The following TLL1 variants were observed in gnomAD, a reference collection of about 807,000 sequenced individuals.
TLL1 encodes the protein tolloid like 1, also known as tolloid-like protein 1.
TLL1 carries 49 observed loss-of-function variants against 128.2 expected under a neutral mutation model. That is an observed-to-expected ratio of 0.38 (90% confidence interval 0.30 to 0.48). TLL1 has a LOEUF of 0.48. Ranked by LOEUF, TLL1 falls within the 20% of genes least tolerant of loss-of-function variation. The probability of loss-of-function intolerance (pLI) is 0.96; values close to 1 mark genes in which losing one functional copy is unlikely to be tolerated. For missense variants in TLL1, 1,123 were observed against 1,242.0 expected, an observed-to-expected ratio of 0.90 and a Z score of 1.44; for synonymous variants, 454 against 418.8, an observed-to-expected ratio of 1.08 and a Z score of -1.03.
At chr4:165,904,149 C>G (rs560932881) in intron 1 of TLL1, among the ~76,000 whole-genome samples, 1 of 152,104 alleles carries the variant, frequency 6.6e-6, no homozygotes, top group East Asian at 1.9e-4. Context: ...GCTCTGGAGT[C>G]TAGAACAGTT....
At position 166,084,211 on chromosome 4, in the gene TLL1, C is replaced by T. The variant is rs1741404453; in HGVS notation, c.2442+6181C>T. Among the ~76,000 whole-genome samples, 3 of 152,090 alleles carry T rather than the reference C, an allele frequency of 2.0e-5. No individual in the cohort carries two copies. In the South Asian group the frequency reaches 6.2e-4, roughly 32 times the overall value. ...CTTTTGAGAAATGTCTATTCAAGTC[C>T]TTTGCCCATAAATAAGTTTATTCGT... On this transcript the variant is annotated intron_variant, in intron 18 of 20. Coordinates refer to ENST00000061240, the MANE Select transcript of TLL1 (RefSeq NM_012464.5).
chr4:166,022,654 T>C (rs993963945), intron 8 of TLL1, among the ~76,000 whole-genome samples: 19 of 152,212 alleles, frequency 1.2e-4, no homozygotes, highest in African/African-American at 4.3e-4. Context: ...TATTTGCAGA[T>C]GGATGTGGAG....
chr4:166,100,893 A>G lies in TLL1; in HGVS notation c.*17A>G. ...AAAAAATAACACCAAAACCTCTGTC[A>G]GAACACAAAGGAATGTGCATAATGG... On this transcript the variant is annotated 3_prime_UTR_variant, in exon 21 of 21. Transcript: ENST00000061240. 2 of 1,611,890 alleles carry G rather than the reference A, an allele frequency of 1.2e-6. No homozygotes were observed. Among genetic ancestry groups the G allele is most frequent in the East Asian group, 2.2e-5 (1 of 44,536 alleles).
At chr4:165,905,175 C>A (rs1293934641) in intron 1 of TLL1, among the ~76,000 whole-genome samples, 1 of 152,146 alleles carries the variant, frequency 6.6e-6, no homozygotes, top group Non-Finnish European at 1.5e-5. Flanking sequence ...TAAACTTATA[C>A]CTGCTATGCG....
At chr4:166,066,783 C>T (rs547520597) in intron 16 of TLL1, among the ~76,000 whole-genome samples, 4 of 151,812 alleles carry the variant, frequency 2.6e-5, no homozygotes, top group South Asian at 2.1e-4. Flanking sequence ...CAATGGACCT[C>T]GGCTCCCGTG....
chr4:166,085,396 A>G (rs937420113), intron 18 of TLL1, among the ~76,000 whole-genome samples: 1 of 151,760 alleles, frequency 6.6e-6, no homozygotes, highest in Non-Finnish European at 1.5e-5. Flanking sequence ...TCGGTTGACT[A>G]TAATGTTAGC....
chr4:166,039,659 G>A (rs1306313811), intron 10 of TLL1, among the ~76,000 whole-genome samples: 1 of 151,858 alleles, frequency 6.6e-6, no homozygotes, highest in Non-Finnish European at 1.5e-5. Flanking sequence ...TAACTTATGA[G>A]GTACATACTA....
intron 4 of TLL1, 29 bp from the exon 5 acceptor site, chr4:165,995,032 T>G: frequency 6.3e-7 from 1 of 1,589,784 alleles, no homozygotes; most frequent in Non-Finnish European, 8.6e-7. Context: ...GGATGCCACC[T>G]TTTCATTAAC....
rs1738472896 is a variant in TLL1, at chr4:166,025,932, G to A, written c.1158+501G>A. Among the ~76,000 whole-genome samples the A allele has an allele frequency of 3.9e-5, 6 of 152,138 alleles. No individual in the cohort carries two copies. In the South Asian group the frequency reaches 6.2e-4, roughly 16 times the overall value. On this transcript the variant is annotated intron_variant, in intron 9 of 20. Transcript: ENST00000061240. Reference sequence around the variant, plus strand: ...TATGAAATTCAGACCTCAAACTAATGAGCCTAGACGACCATATGAAGAGGT... The same window carrying A: ...TATGAAATTCAGACCTCAAACTAATAAGCCTAGACGACCATATGAAGAGGT...
intron 18 of TLL1, among the ~76,000 whole-genome samples, chr4:166,085,770 TG>T (rs1741482190): frequency 6.6e-6 from 1 of 152,144 alleles, no homozygotes; most frequent in Non-Finnish European, 1.5e-5. Flanking sequence ...TGTCTGGTTT[TG>T]GTATAAGGAT....
intron 1 of TLL1, among the ~76,000 whole-genome samples, chr4:165,896,252 G>A (rs190794257): frequency 7.9e-5 from 12 of 152,196 alleles, no homozygotes; most frequent in Non-Finnish European, 1.2e-4. Context: ...TCCCTGCAAA[G>A]CACATGAACT....
intron 18 of TLL1, among the ~76,000 whole-genome samples, chr4:166,081,074 A>C (rs1741264284): frequency 6.6e-6 from 1 of 152,136 alleles, no homozygotes; most frequent in African/African-American, 2.4e-5. Flanking sequence ...TCTTCATGGC[A>C]GTGAAACTCT....
intron 8 of TLL1, among the ~76,000 whole-genome samples, chr4:166,022,151 C>T (rs1738270702): frequency 6.6e-6 from 1 of 151,532 alleles, no homozygotes; most frequent in Admixed American, 6.6e-5. Flanking sequence ...TCTTTCTTTG[C>T]CCTAAAGATT....
intron 9 of TLL1, among the ~76,000 whole-genome samples, chr4:166,034,547 A>G (rs996698484): frequency 2.0e-5 from 3 of 152,204 alleles, no homozygotes; most frequent in African/African-American, 7.2e-5. Flanking sequence ...CATAAAGTGT[A>G]GGATGAAATG....
intron 19 of TLL1, among the ~76,000 whole-genome samples, chr4:166,098,906 TATTG>T (rs1742151109): frequency 6.6e-6 from 1 of 152,142 alleles, no homozygotes; most frequent in Non-Finnish European, 1.5e-5. Flanking sequence ...TTTTAAAAAT[TATTG>T]AGTTACTAAG....
chr4:165,989,924 A>AT (rs1405948312), intron 2 of TLL1, among the ~76,000 whole-genome samples: 1 of 151,888 alleles, frequency 6.6e-6, no homozygotes, highest in East Asian at 1.9e-4. Context: ...TGAGTATTAT[A>AT]TTAAGTTGCC....
chr4:166,092,817 G>C (rs187645699), intron 19 of TLL1, among the ~76,000 whole-genome samples: 3 of 152,064 alleles, frequency 2.0e-5, no homozygotes, highest in Non-Finnish European at 4.4e-5. Flanking sequence ...TTATGTCCCA[G>C]TGTGTTGGTA....
chr4:165,954,566 T>C (rs1734685778), intron 1 of TLL1, among the ~76,000 whole-genome samples: 1 of 152,066 alleles, frequency 6.6e-6, no homozygotes, highest in Non-Finnish European at 1.5e-5. Flanking sequence ...CAGACCTCTC[T>C]TGCCCTGTGA....
rs970934392 is a variant in TLL1, at chr4:166,102,796, T to G, written c.*1920T>G. On this transcript the variant is annotated 3_prime_UTR_variant, in exon 21 of 21. Transcript: ENST00000061240. ...TTTATAACCAATGTTTTGATCTTAT[T>G]GAATGTTACTTTGAAAATGTATAAC... 6 of 151,992 alleles carry G rather than the reference T, an allele frequency of 3.9e-5. No individual in the cohort carries two copies. Among genetic ancestry groups the G allele is most frequent in the Admixed American group, 2.6e-4 (4 of 15,224 alleles). 9.4% of individuals were successfully genotyped at this position (151,992 alleles called of 1,614,324 possible).
Sources: allele counts gnomAD v4.1 joint callset (sites outside exome capture counted in the v4.1 genomes callset), GRCh38; gene constraint gnomAD v4.1.1; transcripts MANE v1.5; gene names NCBI Gene and HGNC (gene_info 2026-07-23, HGNC 2026-07-21).